CREB5: variants seen among roughly 807,000 people sequenced by gnomAD.
CREB5 encodes the protein cyclic AMP-responsive element-binding protein 5.
In CREB5, 19 loss-of-function variants were observed where a neutral mutation model predicts 57.1. The observed-to-expected ratio is 0.33, with a 90% CI of 0.23 to 0.49. The LOEUF (loss-of-function observed/expected upper bound fraction) is 0.49. Among genes scored for constraint, CREB5 ranks in the 20% least tolerant of loss-of-function variants. CREB5 has a pLI of 0.99. For missense variants in CREB5, 579 were observed against 671.6 expected, an observed-to-expected ratio of 0.86 and a Z score of 1.52; for synonymous variants, 238 against 238.3, an observed-to-expected ratio of 1.00 and a Z score of 0.01.
rs1562783661 is a variant in CREB5, at chr7:28,539,066, TACTGGAAAGTTATTGCATACATC to T, written c.292-31287_292-31265del. On this transcript the variant is annotated intron_variant, in intron 4 of 10. Coordinates refer to ENST00000357727, the MANE Select transcript of CREB5 (RefSeq NM_182898.4). ...ATAGTTCGACATCTTTCTATACATC[TACTGGAAAGTTATTGCATACATC>T]ACTGGAAAGTTGCTTAATCTCTACA... Among the ~76,000 whole-genome samples, 4 of 152,362 alleles carry T rather than the reference TACTGGAAAGTTATTGCATACATC, an allele frequency of 2.6e-5. No individual in the cohort carries two copies. The East Asian group carries it at 7.7e-4, about 29-fold the overall frequency.
chr7:28,486,670 T>TA (rs1791559846), intron 1 of CREB5, among the ~76,000 whole-genome samples: 2 of 89,116 alleles, frequency 2.2e-5, no homozygotes, highest in East Asian at 3.0e-4. Flanking sequence ...TCCTATGATT[T>TA]TATATATATA....
chr7:28,676,216 CT>C (rs1800316139), intron 5 of CREB5, among the ~76,000 whole-genome samples: 1 of 150,948 alleles, frequency 6.6e-6, no homozygotes, highest in Non-Finnish European at 1.5e-5. Context: ...TTCACTGCCT[CT>C]TCCTCCAAAT....
chr7:28,450,033 A>G (rs17156699), intron 1 of CREB5, among the ~76,000 whole-genome samples: 10,223 of 152,230 alleles, frequency 0.067, 550 homozygotes, highest in East Asian at 0.28. Flanking sequence ...CCTTTGGACC[A>G]CCGGAATGAA....
At chr7:28,400,539 G>A (rs1787438451) in intron 1 of CREB5, among the ~76,000 whole-genome samples, 1 of 152,152 alleles carries the variant, frequency 6.6e-6, no homozygotes, top group African/African-American at 2.4e-5. Context: ...TAAGGGCATT[G>A]TTATGAAAGC....
At chr7:28,304,048 G>A (rs575075357) in intron 1 of CREB5, among the ~76,000 whole-genome samples, 1 of 152,212 alleles carries the variant, frequency 6.6e-6, no homozygotes, top group African/African-American at 2.4e-5. Flanking sequence ...TGGCTCAAAT[G>A]TATAAATTAA....
In CREB5 at chr7:28,497,314, G is replaced by A. The variant is rs572573669; in HGVS notation, c.169+2315G>A. Among the ~76,000 whole-genome samples the A allele has an allele frequency of 3.3e-5, 5 of 152,332 alleles. No homozygotes were observed. The South Asian group carries it at 1.0e-3, about 32-fold the overall frequency. ...ATAGTGCCTAAAGCAGGTTTTTTGG[G>A]TTAATCTCTTGCAGCTTTGCAATTG... On this transcript the variant is annotated intron_variant, in intron 3 of 10. Transcript: ENST00000357727.
intron 5 of CREB5, among the ~76,000 whole-genome samples, chr7:28,692,820 T>C (rs751916123): frequency 2.0e-5 from 3 of 152,172 alleles, no homozygotes; most frequent in African/African-American, 4.8e-5. Context: ...TTTCATGAGT[T>C]TGGGTTACAA....
In CREB5 at chr7:28,698,932, C is replaced by T. The variant is rs56219576; in HGVS notation, c.465-19821C>T. ...TTCAATGCCCTCCAATTATTTTTTA[C>T]TAGCTATGCCTTTTACAGGCTGACC... On this transcript the variant is annotated intron_variant, in intron 5 of 10. Transcript: ENST00000357727. Among the ~76,000 whole-genome samples, 1,331 of 152,270 alleles carry T rather than the reference C, an allele frequency of 8.7e-3. 11 individuals carry two copies. Among genetic ancestry groups the T allele is most frequent in the Non-Finnish European group, 0.014 (961 of 68,014 alleles).
At chr7:28,672,020 A>G (rs1472506192) in intron 5 of CREB5, among the ~76,000 whole-genome samples, 1 of 152,208 alleles carries the variant, frequency 6.6e-6, no homozygotes, top group Non-Finnish European at 1.5e-5. Context: ...CACCTTAAAA[A>G]GATTAAAATG....
chr7:28,475,250 C>CT lies in CREB5; in HGVS notation c.4-12888dup, dbSNP rs530903709. 4.5e-4 allele frequency among the ~76,000 whole-genome samples: 27 copies of CT among 59,616 alleles called. 3 individuals carry two copies. Among genetic ancestry groups the CT allele is most frequent in the East Asian group, 6.4e-4 (1 of 1,558 alleles). 39.1% of individuals were successfully genotyped at this position (59,616 alleles called of 152,430 possible). ...CACTTCATGCGTTATTCAGAAGTTTCTTTTTTTTTTTTTTTTTTTTTTTTT... is the reference window on the plus strand; with the variant it reads ...CACTTCATGCGTTATTCAGAAGTTTCTTTTTTTTTTTTTTTTTTTTTTTTTT... On this transcript the variant is annotated intron_variant, in intron 1 of 10. Coordinates refer to ENST00000357727, the MANE Select transcript of CREB5 (RefSeq NM_182898.4).
intron 1 of CREB5, among the ~76,000 whole-genome samples, chr7:28,336,478 G>T (rs1408378005): frequency 6.6e-6 from 1 of 151,698 alleles, no homozygotes; most frequent in African/African-American, 2.4e-5. Flanking sequence ...CCAATTTATT[G>T]TCATATTGTT....
intron 5 of CREB5, among the ~76,000 whole-genome samples, chr7:28,641,926 G>A (rs1331451490): frequency 2.0e-5 from 3 of 152,174 alleles, no homozygotes; most frequent in Admixed American, 6.5e-5. Context: ...GAAAAGGCAC[G>A]TGTGTGCACG....
At chr7:28,590,881 A>G (rs1374874563) in intron 5 of CREB5, among the ~76,000 whole-genome samples, 2 of 152,152 alleles carry the variant, frequency 1.3e-5, no homozygotes, top group African/African-American at 4.8e-5. Context: ...AAAGTCCTCA[A>G]TGACATTATC....
intron 4 of CREB5, among the ~76,000 whole-genome samples, chr7:28,570,162 C>A (rs1795638809): frequency 6.6e-6 from 1 of 152,152 alleles, no homozygotes; most frequent in African/African-American, 2.4e-5. Flanking sequence ...TTCTCACATG[C>A]TTTACTCTAA....
At chr7:28,532,677 T>C (rs754214271) in intron 4 of CREB5, among the ~76,000 whole-genome samples, 26 of 152,248 alleles carry the variant, frequency 1.7e-4, no homozygotes, top group Admixed American at 3.3e-4. Flanking sequence ...ATATTTTATT[T>C]ACTACAACTA....
chr7:28,555,771 T>C (rs144191172), intron 4 of CREB5, among the ~76,000 whole-genome samples: 120 of 152,348 alleles, frequency 7.9e-4, no homozygotes, highest in African/African-American at 2.7e-3. Flanking sequence ...ATTCACTTAC[T>C]GAAAGCTCCA....
At chr7:28,576,529 T>A (rs1187887870) in intron 5 of CREB5, among the ~76,000 whole-genome samples, 1 of 152,218 alleles carries the variant, frequency 6.6e-6, no homozygotes, top group African/African-American at 2.4e-5. Flanking sequence ...TGCCTGAGAC[T>A]GGCAGAATCA....
chr7:28,672,956 C>A (rs1249838214), intron 5 of CREB5, among the ~76,000 whole-genome samples: 2 of 152,122 alleles, frequency 1.3e-5, no homozygotes, highest in Non-Finnish European at 2.9e-5. Flanking sequence ...GGCATTTGGC[C>A]TCTTAGATTA....
At chr7:28,344,678 AT>A (rs1786004970) in intron 1 of CREB5, among the ~76,000 whole-genome samples, 1 of 152,320 alleles carries the variant, frequency 6.6e-6, no homozygotes, top group East Asian at 1.9e-4. Flanking sequence ...ATTATTTTGA[AT>A]GTAAATTGAT....
Sources: gnomAD v4.1 joint callset for allele counts (sites outside exome capture counted in the v4.1 genomes callset) on GRCh38, gnomAD v4.1.1 for gene constraint, MANE v1.5 for transcripts, NCBI Gene and HGNC (gene_info 2026-07-23, HGNC 2026-07-21) for gene names.